PRSS23: variants seen among roughly 807,000 people sequenced by gnomAD.
PRSS23 encodes protease, serine 23.
PRSS23 carries 25 observed loss-of-function variants against 34.7 expected under a neutral mutation model. The ratio of observed to expected loss-of-function variants is 0.72; its 90% CI spans 0.53 to 1.01. PRSS23 has a LOEUF of 1.01. Ranked by LOEUF, PRSS23 falls within the 50% of genes least tolerant of loss-of-function variation. The pLI, the probability that PRSS23 is intolerant of heterozygous loss-of-function variation, is 0.00. For synonymous variants in PRSS23, 176 were observed against 186.6 expected, an observed-to-expected ratio of 0.94 and a Z score of 0.46; for missense variants, 445 against 475.6, an observed-to-expected ratio of 0.94 and a Z score of 0.60.
chr11:86,818,363 TG>T (rs1948228073), intron 1 of PRSS23, among the ~76,000 whole-genome samples: 1 of 152,206 alleles, frequency 6.6e-6, no homozygotes, highest in Non-Finnish European at 1.5e-5. Context: ...CTCGAGTGCC[TG>T]GGGTGGGAAT....
chr11:86,873,879 T>G (rs1017852901), intron 2 of PRSS23, among the ~76,000 whole-genome samples: 4 of 152,144 alleles, frequency 2.6e-5, no homozygotes, highest in South Asian at 4.1e-4. Flanking sequence ...GACACTAAGT[T>G]GCATCAGAGC....
chr11:86,830,934 G>T (rs1039120299), intron 2 of PRSS23, among the ~76,000 whole-genome samples: 2 of 151,898 alleles, frequency 1.3e-5, no homozygotes, highest in Non-Finnish European at 2.9e-5. Flanking sequence ...AGTCACAGGG[G>T]GTTTACAAAC....
chr11:86,918,319 G>C (rs1315654308), intron 2 of PRSS23, among the ~76,000 whole-genome samples: 1 of 152,112 alleles, frequency 6.6e-6, no homozygotes, highest in African/African-American at 2.4e-5. Context: ...TTGTTCCCTT[G>C]TTTCCCATAT....
chr11:86,832,317 A>G (rs1454310996), intron 2 of PRSS23, among the ~76,000 whole-genome samples: 1 of 152,112 alleles, frequency 6.6e-6, no homozygotes, highest in East Asian at 1.9e-4. Flanking sequence ...GATATTTTTC[A>G]CAATATTTTA....
intron 2 of PRSS23, among the ~76,000 whole-genome samples, chr11:86,881,583 A>G (rs568610773): frequency 9.9e-5 from 15 of 152,218 alleles, no homozygotes; most frequent in East Asian, 5.8e-4. Flanking sequence ...TCTTTGCCTG[A>G]TTTAAATATG....
chr11:86,811,735 G>C (rs1169067853), downstream of PRSS23, among the ~76,000 whole-genome samples: 8 of 152,036 alleles, frequency 5.3e-5, no homozygotes, highest in African/African-American at 1.9e-4. Context: ...GGTGATGCCT[G>C]GATCATGTAT....
intron 1 of PRSS23, 49 bp from the exon 2 acceptor site, chr11:86,807,582 T>A: frequency 1.4e-6 from 2 of 1,472,628 alleles, no homozygotes; most frequent in Non-Finnish European, 1.8e-6. Flanking sequence ...CTGCAGTAAA[T>A]GAACGTTCAG....
At chr11:86,899,956 TAAA>T (rs1298144296) in intron 2 of PRSS23, among the ~76,000 whole-genome samples, 1 of 148,570 alleles carries the variant, frequency 6.7e-6, no homozygotes, top group African/African-American at 2.5e-5. Context: ...TAGTTGTCTT[TAAA>T]AAAAAAAATC....
In PRSS23 at chr11:86,917,765, TCTC is replaced by T. The variant is rs1178931165; in HGVS notation, c.207-33450_207-33448del. ...GGACCACATTAGGGCAGATGATTGATCTCAGCCAATATCTCACCCAGTATTGGA... is the reference window on the plus strand; with the variant it reads ...GGACCACATTAGGGCAGATGATTGATAGCCAATATCTCACCCAGTATTGGA... On this transcript the variant is annotated intron_variant, in intron 2 of 2. Transcript: ENST00000533902. 9.2e-5 allele frequency among the ~76,000 whole-genome samples: 14 copies of T among 152,322 alleles called. No homozygotes were observed. The Middle Eastern group carries it at 0.01, about 111-fold the overall frequency.
At chr11:86,945,558 C>T (rs1949235891) in intron 2 of PRSS23, 2 of 152,170 alleles carry the variant, frequency 1.3e-5, no homozygotes, top group South Asian at 4.1e-4. Context: ...AAGAAAGAGG[C>T]CCTCAGAAAG....
At chr11:86,950,978 T>G in intron 2 of PRSS23, 1 of 735,694 alleles carries the variant, frequency 1.4e-6, no homozygotes, top group Non-Finnish European at 2.3e-6. Flanking sequence ...CATTGGTTTT[T>G]TGATGCTGGG....
chr11:86,898,065 A>G (rs1291714637), intron 2 of PRSS23, among the ~76,000 whole-genome samples: 1 of 152,236 alleles, frequency 6.6e-6, no homozygotes, highest in African/African-American at 2.4e-5. Context: ...ATGTTTTAAC[A>G]CCAAATCTCT....
chr11:86,826,942 G>A (rs1948306507), intron 2 of PRSS23, among the ~76,000 whole-genome samples: 1 of 152,154 alleles, frequency 6.6e-6, no homozygotes, highest in Admixed American at 6.5e-5. Context: ...AAGGATATTG[G>A]TCTAAAATTC....
chr11:86,868,770 G>A (rs539006009), intron 2 of PRSS23, among the ~76,000 whole-genome samples: 5 of 152,246 alleles, frequency 3.3e-5, no homozygotes, highest in Admixed American at 3.3e-4. Context: ...GAACACTTGG[G>A]TTGAAATCTT....
intron 2 of PRSS23, among the ~76,000 whole-genome samples, chr11:86,899,759 A>G (rs1391704845): frequency 6.6e-6 from 1 of 151,310 alleles, no homozygotes; most frequent in African/African-American, 2.4e-5. Context: ...CTCGTGATCC[A>G]CCTGCCTCGG....
chr11:86,900,079 G>C (rs1030284090), intron 2 of PRSS23, among the ~76,000 whole-genome samples: 3 of 152,210 alleles, frequency 2.0e-5, no homozygotes, highest in Non-Finnish European at 2.9e-5. Context: ...AAATAGAGAT[G>C]TTTCTGAGTC....
intron 2 of PRSS23, among the ~76,000 whole-genome samples, chr11:86,863,004 T>A (rs1948626380): frequency 1.3e-5 from 2 of 152,072 alleles, no homozygotes; most frequent in African/African-American, 4.8e-5. Context: ...ATTTGTAACA[T>A]CCTAGAAAGA....
At chr11:86,826,907 G>A (rs1948306071) in intron 2 of PRSS23, among the ~76,000 whole-genome samples, 1 of 152,152 alleles carries the variant, frequency 6.6e-6, no homozygotes, top group Non-Finnish European at 1.5e-5. Flanking sequence ...GTATTTTATT[G>A]AGGATTTTTG....
At chr11:86,847,282 G>T (rs760266641) in intron 2 of PRSS23, among the ~76,000 whole-genome samples, 5 of 152,186 alleles carry the variant, frequency 3.3e-5, no homozygotes, top group Non-Finnish European at 5.9e-5. Context: ...ACCGCATAAA[G>T]TGGGCCTTAG....
Sources: gnomAD v4.1 joint callset for allele counts (sites outside exome capture counted in the v4.1 genomes callset) on GRCh38, gnomAD v4.1.1 for gene constraint, MANE v1.5 for transcripts, NCBI Gene and HGNC (gene_info 2026-07-23, HGNC 2026-07-21) for gene names.